The following MRTFB variants were observed in gnomAD, a reference collection of about 807,000 sequenced individuals.
MRTFB encodes the protein myocardin-related transcription factor B.
MRTFB carries 29 observed loss-of-function variants against 104.2 expected under a neutral mutation model. The ratio of observed to expected loss-of-function variants is 0.28; its 90% confidence interval spans 0.21 to 0.38. The LOEUF (loss-of-function observed/expected upper bound fraction) is 0.38, where lower values mean the gene tolerates loss of function less well. Among genes scored for constraint, MRTFB ranks in the 10% least tolerant of loss-of-function variants. The probability of loss-of-function intolerance (pLI) is 1.00; values close to 1 mark genes in which losing one functional copy is unlikely to be tolerated. For synonymous variants in MRTFB, 535 were observed against 519.5 expected, an observed-to-expected ratio of 1.03 and a Z score of -0.41; for missense variants, 1,270 against 1,341.6, an observed-to-expected ratio of 0.95 and a Z score of 0.83.
chr16:14,087,595 A>T (rs1006777035), intron 2 of MRTFB, among the ~76,000 whole-genome samples: 3 of 152,236 alleles, frequency 2.0e-5, no homozygotes, highest in Non-Finnish European at 4.4e-5. Context: ...GAGGACGCCT[A>T]GTTCAAGGTG....
intron 9 of MRTFB, among the ~76,000 whole-genome samples, chr16:14,238,042 T>G (rs1043297125): frequency 6.6e-6 from 1 of 152,166 alleles, no homozygotes; most frequent in African/African-American, 2.4e-5. Context: ...AGTACAGGCA[T>G]GAAGTGGACC....
intron 12 of MRTFB, chr16:14,248,083 A>G (rs1278046051): frequency 1.3e-5 from 2 of 152,862 alleles, no homozygotes; most frequent in Non-Finnish European, 2.9e-5. Flanking sequence ...GTCTAAACTA[A>G]GGAAAACATG....
intron 6 of MRTFB, among the ~76,000 whole-genome samples, chr16:14,215,646 T>G (rs768492200): frequency 2.0e-5 from 3 of 152,244 alleles, no homozygotes; most frequent in Non-Finnish European, 4.4e-5. Context: ...AGAGTAATTC[T>G]TATGTTCTGA....
intron 2 of MRTFB, among the ~76,000 whole-genome samples, chr16:14,105,908 G>A (rs1042099241): frequency 1.3e-5 from 2 of 152,292 alleles, no homozygotes; most frequent in South Asian, 2.1e-4. Flanking sequence ...GAACCTTAAG[G>A]TAGAGCTTGC....
At chr16:14,103,611 G>T (rs2035813898) in intron 2 of MRTFB, among the ~76,000 whole-genome samples, 1 of 152,158 alleles carries the variant, frequency 6.6e-6, no homozygotes, top group Non-Finnish European at 1.5e-5. Context: ...CTGCTGCAGT[G>T]TACTACACAC....
At chr16:14,026,290 C>G in the MRTFB span, among the ~76,000 whole-genome samples, 3 of 152,114 alleles carry the variant, frequency 2.0e-5, no homozygotes, top group African/African-American at 7.2e-5. Flanking sequence ...AATCCAGAAT[C>G]AAAAACACCC....
intron 3 of MRTFB, among the ~76,000 whole-genome samples, chr16:14,184,979 CA>C (rs1258766130): frequency 1.3e-5 from 2 of 152,208 alleles, no homozygotes; most frequent in African/African-American, 4.8e-5. Context: ...ATAAACCTTG[CA>C]AAACAGCTAA....
At chr16:14,225,656 GCATTCATTCATT>G (rs74275913) in intron 8 of MRTFB, among the ~76,000 whole-genome samples, 164 of 151,286 alleles carry the variant, frequency 1.1e-3, no homozygotes, top group Middle Eastern at 3.4e-3. Flanking sequence ...CATCCAGAAA[GCATTCATTCATT>G]CATTCATTCA....
At chr16:14,091,400 A>C (rs1005934951) in intron 2 of MRTFB, among the ~76,000 whole-genome samples, 1 of 152,212 alleles carries the variant, frequency 6.6e-6, no homozygotes, top group Non-Finnish European at 1.5e-5. Context: ...CTCAGGGATT[A>C]GAAGTGGTAC....
At chr16:13,997,577 T>C in the MRTFB span, among the ~76,000 whole-genome samples, 1 of 151,912 alleles carries the variant, frequency 6.6e-6, no homozygotes, top group African/African-American at 2.4e-5. Flanking sequence ...AGAGGATTAC[T>C]TGAGCCCAGG....
At chr16:14,136,044 G>A (rs2037702661) in intron 2 of MRTFB, among the ~76,000 whole-genome samples, 1 of 152,186 alleles carries the variant, frequency 6.6e-6, no homozygotes, top group Non-Finnish European at 1.5e-5. Flanking sequence ...GCCGAAGCGG[G>A]TGGATCACTT....
the MRTFB span, among the ~76,000 whole-genome samples, chr16:14,023,131 A>G: frequency 6.6e-6 from 1 of 152,062 alleles, no homozygotes; most frequent in African/African-American, 2.4e-5. Flanking sequence ...TAACCCGCAG[A>G]GCTGGTTTAC....
At chr16:14,090,083 A>G (rs1023097186) in intron 2 of MRTFB, among the ~76,000 whole-genome samples, 4 of 151,686 alleles carry the variant, frequency 2.6e-5, no homozygotes, top group African/African-American at 7.3e-5. Context: ...TTTCTCTCCC[A>G]TTTTGTGATT....
At chr16:14,213,385 C>G (rs572440320) in intron 5 of MRTFB, among the ~76,000 whole-genome samples, 160 bp from the exon 6 acceptor site, 10 of 152,346 alleles carry the variant, frequency 6.6e-5, no homozygotes, top group Non-Finnish European at 1.5e-5. Flanking sequence ...CAGTTTAAAT[C>G]ATGTGTTGGA....
intron 8 of MRTFB, among the ~76,000 whole-genome samples, chr16:14,227,984 A>G (rs80345295): frequency 0.015 from 2,340 of 152,002 alleles, 65 homozygotes; most frequent in African/African-American, 0.053. Flanking sequence ...AAGGACTTGA[A>G]TAGACATCCT....
At chr16:14,191,218 T>C (rs545391313) in intron 3 of MRTFB, among the ~76,000 whole-genome samples, 72 of 152,354 alleles carry the variant, frequency 4.7e-4, no homozygotes, top group Non-Finnish European at 8.7e-4. Context: ...CTCAGTCACA[T>C]TAGCCACATT....
chr16:14,158,870 G>A (rs1278030964), intron 3 of MRTFB, among the ~76,000 whole-genome samples: 2 of 151,900 alleles, frequency 1.3e-5, no homozygotes, highest in Admixed American at 6.6e-5. Context: ...AGAGGCTGAC[G>A]CCTGTAATCG....
chr16:14,065,802 C>T, the MRTFB span, among the ~76,000 whole-genome samples: 1 of 152,068 alleles, frequency 6.6e-6, no homozygotes, highest in African/African-American at 2.4e-5. Context: ...CCCTCCCAGC[C>T]ACTAACACTT....
At chr16:14,126,352 A>G (rs1285277670) in intron 2 of MRTFB, among the ~76,000 whole-genome samples, 1 of 152,196 alleles carries the variant, frequency 6.6e-6, no homozygotes, top group Non-Finnish European at 1.5e-5. Flanking sequence ...GCTAACCTGT[A>G]TTATGCCTGG....
Sources: allele counts gnomAD v4.1 joint callset (sites outside exome capture counted in the v4.1 genomes callset), GRCh38; gene constraint gnomAD v4.1.1; transcripts MANE v1.5; gene names NCBI Gene and HGNC (gene_info 2026-07-23, HGNC 2026-07-21).